Variants in NAA11 observed in about 807,000 individuals in gnomAD.
The protein encoded by NAA11 is N-alpha-acetyltransferase 11, NatA catalytic subunit.
In NAA11, 15 loss-of-function variants were observed where a neutral mutation model predicts 16.1. The ratio of observed to expected loss-of-function variants is 0.93; its 90% confidence interval spans 0.62 to 1.44. The LOEUF is 1.44. Ranked by LOEUF, NAA11 falls within the 40% of genes most tolerant of loss-of-function variation. NAA11 has a pLI of 0.00. For synonymous variants in NAA11, 122 were observed against 112.4 expected (o/e 1.09, Z -0.54); for missense variants, 298 against 291.3 (o/e 1.02, Z -0.17).
chr4:79,321,801 G>A (rs1416366314), intron 1 of NAA11, among the ~76,000 whole-genome samples: 1 of 152,048 alleles, frequency 6.6e-6, no homozygotes, highest in Non-Finnish European at 1.5e-5. Context: ...CTAACACAAA[G>A]CACATATATT....
chr4:79,222,230 A>G (rs1430047952), downstream of NAA11, among the ~76,000 whole-genome samples: 1 of 152,060 alleles, frequency 6.6e-6, no homozygotes. Context: ...CATCCCCTTT[A>G]TCATTTTTTA....
the NAA11 span, among the ~76,000 whole-genome samples, chr4:79,177,289 A>T: frequency 0.025 from 3,859 of 151,924 alleles, 161 homozygotes; most frequent in African/African-American, 0.089. Flanking sequence ...GAGCATCTGA[A>T]CCAACAACAA....
chr4:79,214,697 G>C, the NAA11 span, among the ~76,000 whole-genome samples: 6 of 152,190 alleles, frequency 3.9e-5, no homozygotes, highest in African/African-American at 1.4e-4. Flanking sequence ...TACTTGGGAG[G>C]CTGAGGCAGG....
intron 1 of NAA11, chr4:79,306,572 C>T (rs942621633): frequency 1.3e-5 from 2 of 152,162 alleles, no homozygotes; most frequent in Admixed American, 6.5e-5. Context: ...TAGAAGTTCA[C>T]ACATGAATTT....
the NAA11 span, among the ~76,000 whole-genome samples, chr4:79,167,268 TATAGAGAG>T: frequency 6.9e-5 from 8 of 115,896 alleles, no homozygotes; most frequent in Non-Finnish European, 1.0e-4. Context: ...TATATATATA[TATAGAGAG>T]AGAGAGAGAG....
At chr4:79,258,542 T>C (rs968963391) in intron 2 of NAA11, among the ~76,000 whole-genome samples, 1 of 152,194 alleles carries the variant, frequency 6.6e-6, no homozygotes, top group Non-Finnish European at 1.5e-5. Context: ...CCTTCTGGAC[T>C]TTGGGTGCTG....
At chr4:79,284,878 C>CA (rs558413914) in intron 2 of NAA11, among the ~76,000 whole-genome samples, 901 of 5,100 alleles carry the variant, frequency 0.18, 257 homozygotes, top group Non-Finnish European at 0.23. Flanking sequence ...GACTCCGTCT[C>CA]AAAAAAAAAA....
intron 2 of NAA11, among the ~76,000 whole-genome samples, chr4:79,230,354 G>A (rs1490038763): frequency 6.6e-6 from 1 of 151,782 alleles, no homozygotes; most frequent in Non-Finnish European, 1.5e-5. Context: ...CAGCACACCA[G>A]CATGGCACAT....
chr4:79,209,156 T>C, the NAA11 span, among the ~76,000 whole-genome samples: 1 of 152,120 alleles, frequency 6.6e-6, no homozygotes, highest in East Asian at 1.9e-4. Flanking sequence ...CATCTTTTCC[T>C]GAAATACATT....
the NAA11 span, among the ~76,000 whole-genome samples, chr4:79,209,540 A>G: frequency 6.6e-6 from 1 of 152,160 alleles, no homozygotes; most frequent in African/African-American, 2.4e-5. Flanking sequence ...AAATGCTGGG[A>G]AAGTATTCAG....
chr4:79,195,660 C>T, the NAA11 span, among the ~76,000 whole-genome samples: 1 of 152,080 alleles, frequency 6.6e-6, no homozygotes, highest in Non-Finnish European at 1.5e-5. Flanking sequence ...GGCTGTGCCC[C>T]ACCCAAATCT....
At chr4:79,313,380 G>A (rs767156054), downstream of NAA11, among the ~76,000 whole-genome samples, 19 of 152,080 alleles carry the variant, frequency 1.2e-4, no homozygotes, top group Non-Finnish European at 2.1e-4. Context: ...GCCAAACTAG[G>A]ACTAAAATTT....
At chr4:79,310,340 G>A (rs965422981) in intron 1 of NAA11, among the ~76,000 whole-genome samples, 2 of 152,130 alleles carry the variant, frequency 1.3e-5, no homozygotes, top group African/African-American at 2.4e-5. Flanking sequence ...ATATTTTCTG[G>A]TTATCAGTTT....
At chr4:79,306,212 G>C (rs770592876) in intron 1 of NAA11, among the ~76,000 whole-genome samples, 1 of 152,210 alleles carries the variant, frequency 6.6e-6, no homozygotes, top group Non-Finnish European at 1.5e-5. Flanking sequence ...AAACAAGAAA[G>C]AGAACTGTAT....
intron 2 of NAA11, among the ~76,000 whole-genome samples, chr4:79,229,141 T>C (rs185756550): frequency 1.8e-3 from 277 of 152,152 alleles, no homozygotes; most frequent in Non-Finnish European, 2.9e-3. Flanking sequence ...CTTTGCCTAA[T>C]CCATGATTAC....
chr4:79,227,329 C>A (rs1721340101), intron 2 of NAA11: 1 of 151,986 alleles, frequency 6.6e-6, no homozygotes, highest in Admixed American at 6.6e-5. Flanking sequence ...AAACGAACAA[C>A]CCCATCAACA....
At chr4:79,192,264 C>T in the NAA11 span, among the ~76,000 whole-genome samples, 1 of 151,620 alleles carries the variant, frequency 6.6e-6, no homozygotes, top group East Asian at 1.9e-4. Context: ...TTTTAGGGTA[C>T]ATGTGCACAA....
chr4:79,228,583 C>A (rs1290905511), intron 2 of NAA11, among the ~76,000 whole-genome samples: 2 of 70,378 alleles, frequency 2.8e-5, no homozygotes, highest in African/African-American at 6.1e-5. Context: ...CTTTTTGTGT[C>A]TGGATTGTTT....
the NAA11 span, among the ~76,000 whole-genome samples, chr4:79,201,454 C>A: frequency 6.6e-5 from 10 of 151,760 alleles, no homozygotes; most frequent in African/African-American, 1.9e-4. Flanking sequence ...TTAATACTTG[C>A]TCTGTTCATA....
Sources: allele counts gnomAD v4.1 joint callset (sites outside exome capture counted in the v4.1 genomes callset), GRCh38; gene constraint gnomAD v4.1.1; transcripts MANE v1.5; gene names NCBI Gene and HGNC (gene_info 2026-07-23, HGNC 2026-07-21).